BRIP1: variants seen among roughly 807,000 people sequenced by gnomAD.
BRIP1 encodes BRCA1 interacting DNA helicase 1, also known as Fanconi anemia group J protein.
BRIP1 carries 88 observed loss-of-function variants against 119.7 expected under a neutral mutation model. That is an observed-to-expected ratio of 0.74 (90% CI 0.62 to 0.88). The LOEUF is 0.88. BRIP1 is among the 40% of genes least tolerant of loss of function. The probability of loss-of-function intolerance (pLI) is 0.00; values close to 1 mark genes in which losing one functional copy is unlikely to be tolerated. For synonymous variants in BRIP1, 443 were observed against 496.5 expected, an observed-to-expected ratio of 0.89 and a Z score of 1.43; for missense variants, 1,259 against 1,455.4, an observed-to-expected ratio of 0.87 and a Z score of 2.20.
intron 19 of BRIP1, chr17:61,685,170 C>G (rs564229690): frequency 1.3e-5 from 2 of 152,406 alleles, no homozygotes; most frequent in Non-Finnish European, 2.9e-5. Flanking sequence ...CACACAAATA[C>G]TCAACTCTGC....
In BRIP1 at chr17:61,780,318, T is replaced by A. The variant is rs1567812484; in HGVS notation, c.1878A>T (p.Glu626Asp). ...TLSPMKSFSS[E>D]LGVTFTIQLE... ...GCTGGATAGTAAATGTAACACCAAG[T>A]TCTGACGAAAAGGATTTCATTGGTG... Residue 626 changes from glutamate to aspartate, a missense_variant, in exon 13 of 20, where the codon GAA (glutamate) becomes GAT (aspartate). Around this residue, in one of 3 missense-constraint regions of BRIP1, gnomAD observed 753 missense variants for 891.8 expected, o/e 0.84. Coordinates refer to ENST00000259008, the MANE Select transcript of BRIP1 (RefSeq NM_032043.3). This position sits in a 1 kb window ranked among gnomAD's most constrained non-coding sequence, Gnocchi z 5.4. 1 of 1,612,032 alleles carries A rather than the reference T, an allele frequency of 6.2e-7. No homozygotes were observed. The highest frequency in any genetic ancestry group is 1.1e-5 in the South Asian group (1 of 91,038).
intron 6 of BRIP1, among the ~76,000 whole-genome samples, chr17:61,835,263 T>C (rs757081503): frequency 1.8e-4 from 27 of 152,170 alleles, no homozygotes; most frequent in Admixed American, 1.7e-3. Flanking sequence ...AATGAACTGA[T>C]AGATTTTACT....
Position 61,832,521 on chromosome 17 carries a change from A to G in BRIP1, c.627+14580T>C, listed in dbSNP as rs748998291. 6.6e-6 allele frequency among the ~76,000 whole-genome samples: 1 copy of G among 152,250 alleles called. No individual in the cohort carries two copies. The highest frequency in any genetic ancestry group is 1.5e-5 in the Non-Finnish European group (1 of 68,030). On this transcript the variant is annotated intron_variant, in intron 6 of 19. Coordinates refer to ENST00000259008, the MANE Select transcript of BRIP1 (RefSeq NM_032043.3). This position sits in a 1 kb window ranked among gnomAD's most constrained non-coding sequence, Gnocchi z 5.5. ...AAAAAATGAAACTGCGTGCCACCTTATAAGATGCAATGAGCAGAAGGCATC... is the reference window on the plus strand; with the variant it reads ...AAAAAATGAAACTGCGTGCCACCTTGTAAGATGCAATGAGCAGAAGGCATC...
intron 11 of BRIP1, among the ~76,000 whole-genome samples, chr17:61,782,288 A>G (rs1307836201): frequency 1.4e-5 from 2 of 147,968 alleles, no homozygotes; most frequent in Non-Finnish European, 3.0e-5. Context: ...CGGGAGGCTG[A>G]GGCAGGAGAA....
intron 17 of BRIP1, among the ~76,000 whole-genome samples, chr17:61,702,315 T>C (rs903151137): frequency 5.5e-4 from 83 of 152,286 alleles, no homozygotes; most frequent in African/African-American, 1.8e-3. Context: ...AGGTTTGTTA[T>C]AGAGGCAGAT....
Position 61,808,487 on chromosome 17 carries a change from C to T in BRIP1, c.898G>A (p.Glu300Lys). 6.2e-7 allele frequency: 1 copy of T among 1,613,692 alleles called. No individual in the cohort carries two copies. Among genetic ancestry groups the T allele is most frequent in the South Asian group, 1.1e-5 (1 of 91,066 alleles). ...GNFNRNEKCM[E>K]LLDGKNGKSC... ...CTCACGTTTTTCCCATCTAGCAATT[C>T]CATGCACTTCTCATTTCTGTTGAAG... The change falls in exon 7 of 20, where the codon GAA becomes AAA. Residue 300 changes from glutamate to lysine, a missense_variant. Physicochemically the swap from Glu to Lys is moderately conservative, Grantham distance 56. Coordinates refer to ENST00000259008, the MANE Select transcript of BRIP1 (RefSeq NM_032043.3). This position sits in a 1 kb window ranked among gnomAD's most constrained non-coding sequence, Gnocchi z 4.1.
Position 61,710,977 on chromosome 17 carries a change from G to A in BRIP1, c.2492+4974C>T, listed in dbSNP as rs1399746206. On this transcript the variant is annotated intron_variant, in intron 17 of 19. Transcript: ENST00000259008. The surrounding 1 kb of genome is among the most constrained non-coding windows in gnomAD (Gnocchi z 5.4). ...AATCGCTTGAACTTGGGTGGAGGAA[G>A]ATGCAGTGAGCCAAGACTGCACCAC... Among the ~76,000 whole-genome samples, 1 of 143,586 alleles carries A rather than the reference G, an allele frequency of 7.0e-6. No individual in the cohort carries two copies. Among genetic ancestry groups the A allele is most frequent in the Admixed American group, 7.5e-5 (1 of 13,306 alleles). The allele number at this position is 143,586 out of a possible 152,430, so 94.2% of individuals were successfully genotyped here.
At position 61,683,506 on chromosome 17, in the gene BRIP1, A is replaced by G. The variant is rs2144072484; in HGVS notation, c.3540T>C (p.Asp1180=). ...LFEIRTIKEV[D]SAREVKAEDC... ...CCTCAGCTTTCACTTCTCTGGCTGA[A>G]TCTACTTCTTTTATAGTTCTAATTT... is the stretch of plus-strand genomic sequence containing the variant. Residue 1180 remains aspartate, a synonymous_variant, in exon 20 of 20, where the codon GAT becomes GAC. Coordinates refer to ENST00000259008, the MANE Select transcript of BRIP1 (RefSeq NM_032043.3). The surrounding 1 kb of genome is among the most constrained non-coding windows in gnomAD (Gnocchi z 4.7). 1 of 1,613,624 alleles carries G rather than the reference A, an allele frequency of 6.2e-7. No individual in the cohort carries two copies.
In BRIP1 at chr17:61,775,625, A is replaced by G. The variant is rs1219809335; in HGVS notation, c.2097+776T>C. On this transcript the variant is annotated intron_variant, in intron 14 of 19. Coordinates refer to ENST00000259008, the MANE Select transcript of BRIP1 (RefSeq NM_032043.3). This position sits in a 1 kb window ranked among gnomAD's most constrained non-coding sequence, Gnocchi z 4.4. Reference sequence around the variant, plus strand: ...CTAAATAATTTCAAATTAACTAAAAAAAATTATTAAAAATCAGTGACTCTA... The same window carrying G: ...CTAAATAATTTCAAATTAACTAAAAGAAATTATTAAAAATCAGTGACTCTA... Among the ~76,000 whole-genome samples, 3 of 152,184 alleles carry G rather than the reference A, an allele frequency of 2.0e-5. No individual in the cohort carries two copies. Among genetic ancestry groups the G allele is most frequent in the African/African-American group, 7.2e-5 (3 of 41,448 alleles).
rs975756481 is a variant in BRIP1 at position 61,823,627 on chromosome 17, A to G, written c.628-14870T>C. On this transcript the variant is annotated intron_variant, in intron 6 of 19. Coordinates refer to ENST00000259008, the MANE Select transcript of BRIP1 (RefSeq NM_032043.3). This position sits in a 1 kb window ranked among gnomAD's most constrained non-coding sequence, Gnocchi z 4.8. Reference sequence around the variant, plus strand: ...TAATATCAAGCTGTCTAATATACACATAATTGAAGTCTGAAAGGAAAAAAA... The same window carrying G: ...TAATATCAAGCTGTCTAATATACACGTAATTGAAGTCTGAAAGGAAAAAAA... 6.6e-5 allele frequency among the ~76,000 whole-genome samples: 10 copies of G among 152,300 alleles called. No homozygotes were observed. The highest frequency in any genetic ancestry group is 2.2e-4 in the African/African-American group (9 of 41,572).
chr17:61,851,215 G>A lies in BRIP1; in HGVS notation c.380-1959C>T, dbSNP rs375877595. Among the ~76,000 whole-genome samples the A allele has an allele frequency of 1.3e-5, 2 of 151,868 alleles. No homozygotes were observed. The highest frequency in any genetic ancestry group is 2.1e-4 in the South Asian group (1 of 4,810). Reference sequence around the variant, plus strand: ...TGCACTCCAGCCTAGGTGACAGAACGAGACTCCATCTCAAAAAAAGAAAAA... The same window carrying A: ...TGCACTCCAGCCTAGGTGACAGAACAAGACTCCATCTCAAAAAAAGAAAAA... On this transcript the variant is annotated intron_variant, in intron 4 of 19. Transcript: ENST00000259008. The surrounding 1 kb of genome is among the most constrained non-coding windows in gnomAD (Gnocchi z 4.6).
chr17:61,849,638 C>A (rs763946435), intron 4 of BRIP1, among the ~76,000 whole-genome samples: 61 of 152,180 alleles, frequency 4.0e-4, no homozygotes, highest in Non-Finnish European at 7.8e-4. Flanking sequence ...TTCTTTAGAG[C>A]AAAACCATTG....
In BRIP1 at chr17:61,717,671, T is replaced by C. The variant is rs2061901347; in HGVS notation, c.2380-1608A>G. Among the ~76,000 whole-genome samples, 2 of 152,126 alleles carry C rather than the reference T, an allele frequency of 1.3e-5. No homozygotes were observed. The highest frequency in any genetic ancestry group is 4.8e-5 in the African/African-American group (2 of 41,436). ...CAGTGTGCTGTTGTGTGTATTTTGC[T>C]TGCGTTTTTATTAAGCTTCTTGGAC... On this transcript the variant is annotated intron_variant, in intron 16 of 19. Coordinates refer to ENST00000259008, the MANE Select transcript of BRIP1 (RefSeq NM_032043.3). This position sits in a 1 kb window ranked among gnomAD's most constrained non-coding sequence, Gnocchi z 4.1.
intron 16 of BRIP1, among the ~76,000 whole-genome samples, chr17:61,727,439 C>G (rs1187620051): frequency 6.6e-6 from 1 of 152,104 alleles, no homozygotes; most frequent in African/African-American, 2.4e-5. Flanking sequence ...AAGTATAACA[C>G]TTTTGCTATC....
chr17:61,742,667 T>C lies in BRIP1; in HGVS notation c.2379+346A>G, dbSNP rs559958064. Among the ~76,000 whole-genome samples the C allele has an allele frequency of 5.3e-5, 8 of 152,326 alleles. No individual in the cohort carries two copies. Among genetic ancestry groups the C allele is most frequent in the Admixed American group, 5.2e-4 (8 of 15,298 alleles). ...GCAGTTAGAATACATACATCACTTA[T>C]GAATTACGTTTGCTCTCTTATGTGG... On this transcript the variant is annotated intron_variant, in intron 16 of 19. Coordinates refer to ENST00000259008, the MANE Select transcript of BRIP1 (RefSeq NM_032043.3). This position sits in a 1 kb window ranked among gnomAD's most constrained non-coding sequence, Gnocchi z 4.7.
chr17:61,759,173 C>G lies in BRIP1; in HGVS notation c.2098-14582G>C, dbSNP rs1022500246. Among the ~76,000 whole-genome samples, 16 of 152,060 alleles carry G rather than the reference C, an allele frequency of 1.1e-4. No individual in the cohort carries two copies. Among genetic ancestry groups the G allele is most frequent in the African/African-American group, 3.9e-4 (16 of 41,502 alleles). Reference sequence around the variant, plus strand: ...TAAGAAAAGAAGATCCAACTATATGCTGCCTACAAGAGATTTGCTTTTAAG... The same window carrying G: ...TAAGAAAAGAAGATCCAACTATATGGTGCCTACAAGAGATTTGCTTTTAAG... On this transcript the variant is annotated intron_variant, in intron 14 of 19. Coordinates refer to ENST00000259008, the MANE Select transcript of BRIP1 (RefSeq NM_032043.3). This position sits in a 1 kb window ranked among gnomAD's most constrained non-coding sequence, Gnocchi z 4.9.
In BRIP1 at chr17:61,704,213, CT is replaced by C. The variant is rs1412083066; in HGVS notation, c.2493-10702del. 6.6e-6 allele frequency among the ~76,000 whole-genome samples: 1 copy of C among 152,006 alleles called. No individual in the cohort carries two copies. Among genetic ancestry groups the C allele is most frequent in the Non-Finnish European group, 1.5e-5 (1 of 67,992 alleles). ...GTAGGTGTGCAGTTTTATTTTTAGG[CT>C]CTTATAGTTTTCTTTTTTCCCCCTT... On this transcript the variant is annotated intron_variant, in intron 17 of 19. Transcript: ENST00000259008. This position sits in a 1 kb window ranked among gnomAD's most constrained non-coding sequence, Gnocchi z 5.7.
In BRIP1 at chr17:61,700,460, G is replaced by A. The variant is rs1041408315; in HGVS notation, c.2493-6948C>T. ...TACCTTATTTCTGAAGGACAGTTTTGTTAGATATAGTATTCTTGGTTGACA... is the reference window on the plus strand; with the variant it reads ...TACCTTATTTCTGAAGGACAGTTTTATTAGATATAGTATTCTTGGTTGACA... On this transcript the variant is annotated intron_variant, in intron 17 of 19. Coordinates refer to ENST00000259008, the MANE Select transcript of BRIP1 (RefSeq NM_032043.3). The surrounding 1 kb of genome is among the most constrained non-coding windows in gnomAD (Gnocchi z 4.1). Among the ~76,000 whole-genome samples, 3 of 152,058 alleles carry A rather than the reference G, an allele frequency of 2.0e-5. No individual in the cohort carries two copies. Among genetic ancestry groups the A allele is most frequent in the Admixed American group, 6.5e-5 (1 of 15,274 alleles).
At chr17:61,854,122 AGC>A (rs1384971672) in intron 4 of BRIP1, among the ~76,000 whole-genome samples, 2 of 152,074 alleles carry the variant, frequency 1.3e-5, no homozygotes. Flanking sequence ...TATAAAAATT[AGC>A]TAGGTGTGGT....
Sources: allele counts gnomAD v4.1 joint callset (sites outside exome capture counted in the v4.1 genomes callset), GRCh38; gene constraint gnomAD v4.1.1; regional missense constraint gnomAD v4.1.1; non-coding constraint Gnocchi (gnomAD v3.1); transcripts MANE v1.5; gene names NCBI Gene and HGNC (gene_info 2026-07-23, HGNC 2026-07-21).